The following BLTP1 variants were observed in gnomAD, a reference collection of about 807,000 sequenced individuals.
The protein encoded by BLTP1 is fragile site-associated protein.
At chr4:122,221,320 A>G in the BLTP1 span, among the ~76,000 whole-genome samples, 1 of 152,002 alleles carries the variant, frequency 6.6e-6, no homozygotes, top group Admixed American at 6.6e-5. Flanking sequence ...TTTGACATAT[A>G]TGAGATCATA....
the BLTP1 span, chr4:122,333,346 CAT>C: frequency 8.9e-6 from 1 of 112,382 alleles, no homozygotes; most frequent in Non-Finnish European, 1.8e-5. Context: ...GATGATATCT[CAT>C]AGTGGTTTTG....
At chr4:122,356,796 C>T in the BLTP1 span, 36 of 1,587,904 alleles carry the variant, frequency 2.3e-5, no homozygotes, top group Non-Finnish European at 2.8e-5. Context: ...GCAAGAATGG[C>T]AGCTGTCAAT....
At chr4:122,222,720 G>A in the BLTP1 span, among the ~76,000 whole-genome samples, 1 of 151,874 alleles carries the variant, frequency 6.6e-6, no homozygotes, top group South Asian at 2.1e-4. Flanking sequence ...TCCTCTTATA[G>A]GGATACCAGT....
the BLTP1 span, among the ~76,000 whole-genome samples, chr4:122,160,062 A>G: frequency 1.3e-5 from 2 of 152,174 alleles, no homozygotes; most frequent in Non-Finnish European, 2.9e-5. Flanking sequence ...ATAGGACATT[A>G]TATAATTTTG....
the BLTP1 span, chr4:122,261,519 C>A: frequency 4.1e-6 from 4 of 982,246 alleles, no homozygotes; most frequent in African/African-American, 7.0e-5. Flanking sequence ...AGATAGAAAT[C>A]GAAAAATTCT....
chr4:122,187,047 A>G, the BLTP1 span: 1 of 985,016 alleles, frequency 1.0e-6, no homozygotes, highest in African/African-American at 1.7e-5. Flanking sequence ...CATCAAAGTG[A>G]CTTGTACCTT....
At chr4:122,292,958 C>CAAA in the BLTP1 span, 4 of 480,528 alleles carry the variant, frequency 8.3e-6, no homozygotes, top group African/African-American at 4.3e-5. Flanking sequence ...AAGGCTAATC[C>CAAA]AAAAAAAAAA....
At chr4:122,259,953 A>T in the BLTP1 span, 1 of 875,912 alleles carries the variant, frequency 1.1e-6, no homozygotes, top group Non-Finnish European at 1.4e-6. Context: ...AATATTAAAT[A>T]AAAATTTCTA....
At chr4:122,247,348 G>T in the BLTP1 span, 1 of 1,613,152 alleles carries the variant, frequency 6.2e-7, no homozygotes, top group Middle Eastern at 1.7e-4. Flanking sequence ...TAGGGGTCTT[G>T]ATACAACAGG....
the BLTP1 span, chr4:122,239,620 T>A: frequency 1.2e-6 from 2 of 1,614,160 alleles, no homozygotes; most frequent in South Asian, 2.2e-5. Context: ...CAAGCCTCTG[T>A]CTGTTCCACC....
At chr4:122,187,789 T>C in the BLTP1 span, 1 of 1,257,014 alleles carries the variant, frequency 8.0e-7, no homozygotes, top group Non-Finnish European at 1.1e-6. Flanking sequence ...AGTGGAATCA[T>C]TAAGCTGTTG....
chr4:122,356,483 C>A, the BLTP1 span: 1 of 866,784 alleles, frequency 1.2e-6, no homozygotes, highest in Non-Finnish European at 1.8e-6. Context: ...AAACTATCAT[C>A]ATCCTGTAAA....
the BLTP1 span, chr4:122,210,036 A>C: frequency 7.1e-7 from 1 of 1,412,958 alleles, no homozygotes; most frequent in Admixed American, 2.8e-5. Flanking sequence ...ACATAGTATA[A>C]ATATAGTCTT....
the BLTP1 span, chr4:122,275,856 G>A: frequency 8.4e-7 from 1 of 1,193,764 alleles, no homozygotes; most frequent in Non-Finnish European, 1.1e-6. Flanking sequence ...AACATTTTAA[G>A]AGTGGGAAAT....
At chr4:122,355,891 A>T in the BLTP1 span, 2 of 1,612,790 alleles carry the variant, frequency 1.2e-6, no homozygotes, top group African/African-American at 2.7e-5. Flanking sequence ...AGGAGGTTCT[A>T]GCTACAACCA....
the BLTP1 span, chr4:122,188,166 AC>A: frequency 7.8e-7 from 1 of 1,280,310 alleles, no homozygotes; most frequent in Non-Finnish European, 1.0e-6. Flanking sequence ...ACATCCTTTT[AC>A]TTTTTTTGCT....
chr4:122,339,706 C>T, the BLTP1 span, among the ~76,000 whole-genome samples: 1 of 152,112 alleles, frequency 6.6e-6, no homozygotes. Context: ...TAATAATCCA[C>T]ATGTTCAAGT....
the BLTP1 span, among the ~76,000 whole-genome samples, chr4:122,278,087 G>C: frequency 6.6e-6 from 1 of 151,864 alleles, no homozygotes. Flanking sequence ...TTTCTTCATT[G>C]TATAAACACA....
the BLTP1 span, chr4:122,314,013 A>T: frequency 4.2e-6 from 4 of 948,134 alleles, no homozygotes; most frequent in Non-Finnish European, 5.0e-6. Flanking sequence ...GAAATATGTG[A>T]TATGTACAAT....
Sources: gnomAD v4.1 joint callset for allele counts (sites outside exome capture counted in the v4.1 genomes callset) on GRCh38, gnomAD v4.1.1 for gene constraint, MANE v1.5 for transcripts, NCBI Gene and HGNC (gene_info 2026-07-23, HGNC 2026-07-21) for gene names.